PLOD2: variants seen among roughly 807,000 people sequenced by gnomAD.
PLOD2 encodes lysine hydroxylase 2.
A neutral mutation model predicts 101.0 loss-of-function variants in PLOD2; 65 were observed. The observed-to-expected ratio is 0.64, with a 90% CI of 0.53 to 0.79. The LOEUF is 0.79. PLOD2 is among the 30% of genes least tolerant of loss of function. The pLI is 0.00. For synonymous variants in PLOD2, 314 were observed against 302.9 expected, an observed-to-expected ratio of 1.04 and a Z score of -0.38; for missense variants, 909 against 914.6, an observed-to-expected ratio of 0.99 and a Z score of 0.08.
At chr3:146,083,004 T>C (rs1222201553) in intron 11 of PLOD2, among the ~76,000 whole-genome samples, 2 of 152,208 alleles carry the variant, frequency 1.3e-5, no homozygotes, top group African/African-American at 4.8e-5. Flanking sequence ...TTTTGTTTTG[T>C]TTTGAATACC....
At position 146,160,914 on chromosome 3, in the gene PLOD2, C is replaced by T; in HGVS notation, c.76G>A (p.Ala26Thr). 1 of 1,595,286 alleles carries T rather than the reference C, an allele frequency of 6.3e-7. No individual in the cohort carries two copies. Among genetic ancestry groups the T allele is most frequent in the Non-Finnish European group, 8.5e-7 (1 of 1,171,018 alleles). ...ATGCTCGAGGGCTTCTCCGAGTCCG[C>T]ACCCAGACAGGGATTCCAGGGGTGG... ...VLHPWNPCLG[A>T]DSEKPSSIPT... is the part of the protein sequence containing the mutation. Residue 26 changes from alanine (A) to threonine (T), a missense_variant, in exon 1 of 20, where the codon GCG becomes ACG. Coordinates refer to ENST00000282903, the MANE Select transcript of PLOD2 (RefSeq NM_182943.3).
rs1461097163 is a variant in PLOD2, at chr3:146,124,234, A to G, written c.110-5T>C. On this transcript the variant is annotated splice_region_variant and splice_polypyrimidine_tract_variant and intron_variant, in intron 1 of 19. Coordinates refer to ENST00000282903, the MANE Select transcript of PLOD2 (RefSeq NM_182943.3). ...CAGTTATGACTAATAATTTATCTGC[A>G]AAGACAAAAGGAAACAAAAGAAGGT... 2.7e-6 allele frequency: 4 copies of G among 1,499,858 alleles called. No individual in the cohort carries two copies. The highest frequency in any genetic ancestry group is 1.1e-5 in the South Asian group (1 of 88,804). 92.9% of individuals were successfully genotyped at this position (1,499,858 alleles called of 1,614,324 possible).
intron 1 of PLOD2, among the ~76,000 whole-genome samples, chr3:146,139,581 A>G (rs1386245912): frequency 1.3e-5 from 2 of 152,140 alleles, no homozygotes; most frequent in Non-Finnish European, 2.9e-5. Flanking sequence ...AAAGATAATA[A>G]TGCAGCTCAT....
intron 7 of PLOD2, among the ~76,000 whole-genome samples, chr3:146,099,247 C>T (rs1021644719): frequency 1.3e-5 from 2 of 152,120 alleles, no homozygotes; most frequent in African/African-American, 4.8e-5. Context: ...GATTAGTGCT[C>T]CTTTTCTTGT....
intron 5 of PLOD2, among the ~76,000 whole-genome samples, chr3:146,105,389 A>G (rs1937519001): frequency 6.6e-6 from 1 of 152,130 alleles, no homozygotes; most frequent in Non-Finnish European, 1.5e-5. Flanking sequence ...CAAATTGGCT[A>G]TAAAGTCTCC....
intron 1 of PLOD2, among the ~76,000 whole-genome samples, chr3:146,136,563 T>C (rs886851256): frequency 6.6e-6 from 1 of 152,210 alleles, no homozygotes; most frequent in Admixed American, 6.5e-5. Context: ...TACAGTAATG[T>C]GCCACATGAT....
At chr3:146,082,072 T>C (rs1488446082) in intron 11 of PLOD2, among the ~76,000 whole-genome samples, 1 of 152,182 alleles carries the variant, frequency 6.6e-6, no homozygotes, top group African/African-American at 2.4e-5. Context: ...CAATCATATT[T>C]CTTAAAAAGA....
chr3:146,088,937 GTT>G, intron 8 of PLOD2: 1 of 501,814 alleles, frequency 2.0e-6, no homozygotes, highest in Admixed American at 3.4e-5. Context: ...TATGAGTTAG[GTT>G]TAAAGATGAA....
chr3:146,075,582 T>C (rs1936304357), intron 15 of PLOD2, among the ~76,000 whole-genome samples: 1 of 151,520 alleles, frequency 6.6e-6, no homozygotes, highest in African/African-American at 2.4e-5. Context: ...ATCAGCTTTC[T>C]CTGCAATTCT....
chr3:146,103,826 TACACACACACACACAC>T (rs3059069), intron 6 of PLOD2, among the ~76,000 whole-genome samples: 13 of 146,606 alleles, frequency 8.9e-5, no homozygotes, highest in African/African-American at 1.8e-4. Context: ...CACGAGCATG[TACACACACACACACAC>T]ACACACACAC....
At chr3:146,085,030 CTTGAA>C (rs1936704722) in intron 11 of PLOD2, 134 bp downstream of exon 11, 2 of 561,846 alleles carry the variant, frequency 3.6e-6, no homozygotes, top group South Asian at 5.3e-5. Context: ...AAATAATTAA[CTTGAA>C]TTGAAAGTTT....
chr3:146,112,867 A>C (rs1272157983), intron 3 of PLOD2, among the ~76,000 whole-genome samples: 2 of 150,994 alleles, frequency 1.3e-5, no homozygotes, highest in African/African-American at 4.9e-5. Flanking sequence ...AAAAAAAACA[A>C]AACTCTAGAT....
At chr3:146,073,167 TA>T in intron 16 of PLOD2, 119 bp downstream of exon 16, 1 of 536,134 alleles carries the variant, frequency 1.9e-6, no homozygotes, top group Non-Finnish European at 3.4e-6. Context: ...TTGAATCAAA[TA>T]AATTTTACCT....
chr3:146,104,389 G>T, intron 5 of PLOD2, 47 bp from the exon 6 acceptor site: 1 of 920,902 alleles, frequency 1.1e-6, no homozygotes, highest in Non-Finnish European at 1.8e-6. Context: ...AACAAAAACA[G>T]CAAACATTCC....
At chr3:146,086,747 G>C (rs1936786727) in intron 10 of PLOD2, 40 bp downstream of exon 10, 3 of 1,280,484 alleles carry the variant, frequency 2.3e-6, no homozygotes, top group Non-Finnish European at 3.2e-6. Context: ...CGTTTCCTTA[G>C]TAAAATAATT....
intron 7 of PLOD2, among the ~76,000 whole-genome samples, chr3:146,096,935 C>T (rs1387573688): frequency 7.1e-6 from 1 of 140,176 alleles, no homozygotes; most frequent in South Asian, 2.3e-4. Context: ...CGCCTCTGCC[C>T]GGCCGCCCCT....
At chr3:146,128,231 T>C (rs1271790705) in intron 1 of PLOD2, among the ~76,000 whole-genome samples, 1 of 152,118 alleles carries the variant, frequency 6.6e-6, no homozygotes, top group Non-Finnish European at 1.5e-5. Flanking sequence ...GGTGCTTCAA[T>C]AACAGGCACC....
chr3:146,100,980 G>C (rs1937368293), intron 7 of PLOD2, among the ~76,000 whole-genome samples: 1 of 152,176 alleles, frequency 6.6e-6, no homozygotes, highest in Non-Finnish European at 1.5e-5. Flanking sequence ...TGGCCACTGA[G>C]AAAATCAGAT....
At chr3:146,093,352 A>T (rs1203267894) in intron 7 of PLOD2, among the ~76,000 whole-genome samples, 2 of 152,242 alleles carry the variant, frequency 1.3e-5, no homozygotes, top group African/African-American at 4.8e-5. Context: ...GGACTACAGG[A>T]TAATTCAGGA....
Sources: gnomAD v4.1 joint callset for allele counts (sites outside exome capture counted in the v4.1 genomes callset) on GRCh38, gnomAD v4.1.1 for gene constraint, MANE v1.5 for transcripts, NCBI Gene and HGNC (gene_info 2026-07-23, HGNC 2026-07-21) for gene names.